PPP6C: variants seen among roughly 807,000 people sequenced by gnomAD.
PPP6C encodes the protein protein phosphatase 6 catalytic subunit.
A neutral mutation model predicts 39.8 loss-of-function variants in PPP6C; 11 were observed. The observed-to-expected ratio is 0.28, with a 90% CI of 0.17 to 0.46. The LOEUF is 0.46. PPP6C is among the 20% of genes least tolerant of loss of function. PPP6C has a pLI of 1.00. For synonymous variants in PPP6C, 129 were observed against 130.3 expected (o/e 0.99, Z 0.07); for missense variants, 211 against 373.9 (o/e 0.56, Z 3.59).
intron 1 of PPP6C, among the ~76,000 whole-genome samples, chr9:125,179,212 T>C (rs1166081392): frequency 2.2e-5 from 1 of 44,924 alleles, no homozygotes; most frequent in Non-Finnish European, 4.8e-5. Flanking sequence ...CGAAACTCCA[T>C]CTCAAAAAAA....
intron 2 of PPP6C, among the ~76,000 whole-genome samples, 153 bp from the exon 3 acceptor site, chr9:125,161,059 A>G (rs1407819913): frequency 6.6e-6 from 1 of 152,212 alleles, no homozygotes; most frequent in East Asian, 1.9e-4. Context: ...CCAAGCACAC[A>G]GTTCTCAAGA....
Position 125,149,362 on chromosome 9 carries a change from A to G in PPP6C, c.*311T>C. On this transcript the variant is annotated 3_prime_UTR_variant, in exon 7 of 7. Coordinates refer to ENST00000373547, the MANE Select transcript of PPP6C (RefSeq NM_002721.5). Reference sequence around the variant, plus strand: ...CTGTCAATTGGCTTTTAAAAAAAGGAAACACATCCTGTTTCCCAGACCAGT... The same window carrying G: ...CTGTCAATTGGCTTTTAAAAAAAGGGAACACATCCTGTTTCCCAGACCAGT... 1 of 234,420 alleles carries G rather than the reference A, an allele frequency of 4.3e-6. No individual in the cohort carries two copies. Among genetic ancestry groups the G allele is most frequent in the Non-Finnish European group, 8.2e-6 (1 of 121,590 alleles). 14.5% of individuals were successfully genotyped at this position (234,420 alleles called of 1,614,324 possible).
chr9:125,177,281 G>A (rs1418175801), intron 1 of PPP6C, among the ~76,000 whole-genome samples: 2 of 152,260 alleles, frequency 1.3e-5, no homozygotes, highest in South Asian at 2.1e-4. Flanking sequence ...GGCTGAGGCA[G>A]GAGAATGGCG....
At chr9:125,168,659 A>G (rs996216115) in intron 2 of PPP6C, among the ~76,000 whole-genome samples, 7 of 151,408 alleles carry the variant, frequency 4.6e-5, no homozygotes, top group African/African-American at 1.5e-4. Context: ...GGGTTTCACC[A>G]TATTTGCCAG....
At chr9:125,172,741 AC>A (rs1829201822) in intron 1 of PPP6C, among the ~76,000 whole-genome samples, 1 of 144,612 alleles carries the variant, frequency 6.9e-6, no homozygotes, top group Non-Finnish European at 1.5e-5. Context: ...ACACACACAC[AC>A]ACACACACAA....
chr9:125,167,402 AAT>A (rs1491450529), intron 2 of PPP6C, among the ~76,000 whole-genome samples: 5,857 of 141,648 alleles, frequency 0.041, 379 homozygotes, highest in East Asian at 0.079. Flanking sequence ...AAAAAAAAGA[AAT>A]AAAAAAAAGG....
chr9:125,164,137 C>G (rs1319360406), intron 2 of PPP6C, among the ~76,000 whole-genome samples: 1 of 151,272 alleles, frequency 6.6e-6, no homozygotes, highest in Non-Finnish European at 1.5e-5. Context: ...GCACACGGCC[C>G]TATTTTCATC....
Position 125,170,990 on chromosome 9 carries a change from T to A in PPP6C, c.171+95A>T, listed in dbSNP as rs1390245853. On this transcript the variant is annotated intron_variant, in intron 2 of 6. Coordinates refer to ENST00000373547, the MANE Select transcript of PPP6C (RefSeq NM_002721.5). ...CCTAGCTTACCACCAGTTGTGTTTG[T>A]TGATGTTGTTGTTGTTTTAATTTTG... 3.9e-6 allele frequency: 3 copies of A among 762,664 alleles called. No individual in the cohort carries two copies. The East Asian group carries it at 9.0e-5, about 23-fold the overall frequency. The allele number at this position is 762,664 out of a possible 1,614,324, so 47.2% of individuals were successfully genotyped here.
chr9:125,159,036 G>GTT (rs1176354960), intron 3 of PPP6C, among the ~76,000 whole-genome samples: 1,357 of 117,940 alleles, frequency 0.012, 58 homozygotes, highest in East Asian at 0.081. Context: ...TATTTTTTAA[G>GTT]TTTTTTTTTT....
intron 1 of PPP6C, among the ~76,000 whole-genome samples, chr9:125,172,950 C>A (rs550825344): frequency 6.6e-6 from 1 of 152,220 alleles, no homozygotes; most frequent in South Asian, 2.1e-4. Context: ...AATAAAAAGG[C>A]TAACTATAAT....
intron 1 of PPP6C, chr9:125,188,909 A>G: frequency 1.3e-6 from 2 of 1,547,908 alleles, no homozygotes; most frequent in Non-Finnish European, 8.7e-7. Flanking sequence ...AGGAGTAACA[A>G]GGAACTCACC....
intron 1 of PPP6C, among the ~76,000 whole-genome samples, chr9:125,181,588 T>G (rs1164215185): frequency 6.6e-6 from 1 of 152,146 alleles, no homozygotes; most frequent in Non-Finnish European, 1.5e-5. Context: ...ATGCGGTGTT[T>G]CGTTTTCTGT....
intron 1 of PPP6C, among the ~76,000 whole-genome samples, chr9:125,185,840 T>C (rs1829518150): frequency 6.7e-6 from 1 of 149,748 alleles, no homozygotes. Context: ...CAAAATTAAC[T>C]GGGCGTGGTG....
Position 125,157,847 on chromosome 9 carries a change from C to A in PPP6C, c.379+394G>T, listed in dbSNP as rs1351719955. 2.0e-5 allele frequency among the ~76,000 whole-genome samples: 3 copies of A among 152,030 alleles called. No individual in the cohort carries two copies. In the East Asian group the frequency reaches 5.8e-4, roughly 29 times the overall value. On this transcript the variant is annotated intron_variant, in intron 4 of 6. Transcript: ENST00000373547. ...CTGGGATTACATGCACACACCACCA[C>A]GCTCAGCTCATTTTTGTATTTTTAG...
intron 3 of PPP6C, among the ~76,000 whole-genome samples, chr9:125,159,790 G>A (rs540703219): frequency 2.8e-4 from 42 of 152,286 alleles, no homozygotes; most frequent in African/African-American, 9.6e-4. Context: ...GGCAGGGGCC[G>A]AGGTGGGCGG....
chr9:125,178,971 T>C (rs1829364396), intron 1 of PPP6C, among the ~76,000 whole-genome samples: 1 of 152,124 alleles, frequency 6.6e-6, no homozygotes. Flanking sequence ...TCCCAGCACT[T>C]TGGGAGGCCG....
chr9:125,154,509 G>A (rs766794957), intron 4 of PPP6C, among the ~76,000 whole-genome samples: 1 of 152,226 alleles, frequency 6.6e-6, no homozygotes, highest in Non-Finnish European at 1.5e-5. Context: ...TCCTAAGGAT[G>A]TAGTACTGCT....
chr9:125,170,241 CTT>C (rs560169677), intron 2 of PPP6C, among the ~76,000 whole-genome samples: 6 of 140,600 alleles, frequency 4.3e-5, no homozygotes, highest in Admixed American at 7.1e-5. Flanking sequence ...CTTTGAAATT[CTT>C]TTTTTTTTTT....
In PPP6C at chr9:125,149,455, C is replaced by A; in HGVS notation, c.*218G>T. ...TTTCTCAAGTCTTCTCAAATGAGTC[C>A]AGGGTGGGGATGGGATGGGGGAAAA... On this transcript the variant is annotated 3_prime_UTR_variant, in exon 7 of 7. Transcript: ENST00000373547. 2.0e-6 allele frequency: 1 copy of A among 509,272 alleles called. No individual in the cohort carries two copies. Among genetic ancestry groups the A allele is most frequent in the Non-Finnish European group, 3.4e-6 (1 of 295,246 alleles). 31.5% of individuals were successfully genotyped at this position (509,272 alleles called of 1,614,324 possible).
Sources: gnomAD v4.1 joint callset for allele counts (sites outside exome capture counted in the v4.1 genomes callset) on GRCh38, gnomAD v4.1.1 for gene constraint, MANE v1.5 for transcripts, NCBI Gene and HGNC (gene_info 2026-07-23, HGNC 2026-07-21) for gene names.